Variants in SYNE3 observed in about 807,000 individuals in gnomAD.
The protein encoded by SYNE3 is nesprin-3.
SYNE3 carries 100 observed loss-of-function variants against 111.2 expected under a neutral mutation model. The observed-to-expected ratio is 0.90, with a 90% CI of 0.77 to 1.06. SYNE3 has a LOEUF of 1.06. Among genes scored for constraint, SYNE3 ranks in the 50% least tolerant of loss-of-function variants. The probability of loss-of-function intolerance (pLI) is 0.00; values close to 1 mark genes in which losing one functional copy is unlikely to be tolerated. For synonymous variants in SYNE3, 547 were observed against 533.9 expected (o/e 1.02, Z -0.34); for missense variants, 1,160 against 1,240.3 (o/e 0.94, Z 0.97).
chr14:95,500,284 G>A lies in SYNE3; in HGVS notation c.-15+16312C>T, dbSNP rs140896520. Among the ~76,000 whole-genome samples, 1,229 of 152,340 alleles carry A rather than the reference G, an allele frequency of 8.1e-3. 5 individuals carry two copies. The highest frequency in any genetic ancestry group is 0.041 in the Middle Eastern group (12 of 294). Reference sequence around the variant, plus strand: ...TACAGGTTATAATTAGTACCTGCTTGTTCCTGCCAGAACTTTGAGACGCCA... The same window carrying A: ...TACAGGTTATAATTAGTACCTGCTTATTCCTGCCAGAACTTTGAGACGCCA... On this transcript the variant is annotated intron_variant, in intron 1 of 17. Transcript: ENST00000682763. The surrounding 1 kb of genome is among the most constrained non-coding windows in gnomAD (Gnocchi z 4.7).
At chr14:95,506,829 C>T (rs897859775) in intron 1 of SYNE3, among the ~76,000 whole-genome samples, 1 of 152,116 alleles carries the variant, frequency 6.6e-6, no homozygotes, top group Non-Finnish European at 1.5e-5. Context: ...GATACCCAGG[C>T]CCATGGAGGT....
At chr14:95,468,365 TTCAGTGTGCAGCGTGAGCATCTACCTC>T (rs1888324609) in intron 2 of SYNE3, among the ~76,000 whole-genome samples, 1 of 152,218 alleles carries the variant, frequency 6.6e-6, no homozygotes, top group African/African-American at 2.4e-5. Context: ...AGGTACATGT[TTCAGTGTGCAGCGTGAGCATCTACCTC>T]TCAGGGGGAC....
chr14:95,410,021 T>C lies in SYNE3; in HGVS notation c.*7805A>G, dbSNP rs1389432106. 6.5e-6 allele frequency: 1 copy of C among 154,478 alleles called. No homozygotes were observed. Among genetic ancestry groups the C allele is most frequent in the African/African-American group, 2.4e-5 (1 of 41,464 alleles). 9.6% of individuals were successfully genotyped at this position (154,478 alleles called of 1,614,324 possible). A position where few individuals can be genotyped will look rare whatever the true frequency, so the allele number is the denominator to read the frequency against. The stretch of plus-strand genomic sequence containing the variant: ...GGGCTGAATCCAAACACAAAGAAAG[T>C]GTTCAAAAGCTTAGCCCTGGGTGCT... On this transcript the variant is annotated 3_prime_UTR_variant, in exon 18 of 18. Coordinates refer to ENST00000682763, the MANE Select transcript of SYNE3 (RefSeq NM_152592.6).
chr14:95,511,737 T>A (rs939712942), intron 1 of SYNE3, among the ~76,000 whole-genome samples: 1 of 151,628 alleles, frequency 6.6e-6, no homozygotes, highest in Non-Finnish European at 1.5e-5. Context: ...AATAAATAAA[T>A]TAAATAAAAT....
intron 1 of SYNE3, among the ~76,000 whole-genome samples, chr14:95,480,471 A>G (rs1418340290): frequency 1.3e-5 from 2 of 152,202 alleles, no homozygotes; most frequent in African/African-American, 4.8e-5. Context: ...TGCTCAGAAC[A>G]CAGAACCTGG....
chr14:95,481,767 G>A (rs970670394), intron 1 of SYNE3, among the ~76,000 whole-genome samples: 2 of 152,236 alleles, frequency 1.3e-5, no homozygotes, highest in African/African-American at 2.4e-5. Context: ...AACTGTGAAT[G>A]TCCATCTGGA....
At chr14:95,452,437 T>C (rs535637708) in intron 6 of SYNE3, 54 bp from the exon 7 acceptor site, 2 of 1,533,632 alleles carry the variant, frequency 1.3e-6, no homozygotes, top group East Asian at 2.3e-5. Context: ...ACAGGATAAG[T>C]GTGTGTGTGC....
chr14:95,474,464 G>C (rs1005112358), intron 2 of SYNE3, among the ~76,000 whole-genome samples: 2 of 152,202 alleles, frequency 1.3e-5, no homozygotes, highest in South Asian at 2.1e-4. Flanking sequence ...CAGAAAGCAG[G>C]GGGTATTCCA....
rs191569063 is a variant in SYNE3, at chr14:95,447,294, C to T, written c.1450-1203G>A. On this transcript the variant is annotated intron_variant, in intron 8 of 17. Transcript: ENST00000682763. ...GACTACAGGCGCCCACCACCACACCCGGCTAATTTTTTTGTATTTTTTTAG... is the reference window on the plus strand; with the variant it reads ...GACTACAGGCGCCCACCACCACACCTGGCTAATTTTTTTGTATTTTTTTAG... Among the ~76,000 whole-genome samples the T allele has an allele frequency of 7.1e-4, 108 of 152,100 alleles. No individual in the cohort carries two copies. In the East Asian group the frequency reaches 0.018, roughly 25 times the overall value.
At chr14:95,504,643 C>T (rs374267766) in intron 1 of SYNE3, among the ~76,000 whole-genome samples, 7 of 152,150 alleles carry the variant, frequency 4.6e-5, no homozygotes, top group Non-Finnish European at 7.3e-5. Context: ...GGACTGGGTC[C>T]CACCTTCCCA....
chr14:95,474,394 C>A (rs1383443247), intron 2 of SYNE3, among the ~76,000 whole-genome samples: 1 of 152,180 alleles, frequency 6.6e-6, no homozygotes, highest in Non-Finnish European at 1.5e-5. Context: ...AGGCTGGGAA[C>A]CCTCAAGAGC....
intron 17 of SYNE3, among the ~76,000 whole-genome samples, chr14:95,423,487 G>A (rs576763597): frequency 1.1e-4 from 16 of 151,588 alleles, no homozygotes; most frequent in African/African-American, 2.7e-4. Context: ...ATAGGGGCAC[G>A]GGGATTTGAT....
rs938752376 is a variant in SYNE3, at chr14:95,485,563, C to G, written c.-14-9728G>C. Among the ~76,000 whole-genome samples the G allele has an allele frequency of 6.6e-6, 1 of 152,118 alleles. No homozygotes were observed. Among genetic ancestry groups the G allele is most frequent in the Non-Finnish European group, 1.5e-5 (1 of 67,996 alleles). On this transcript the variant is annotated intron_variant, in intron 1 of 17. Transcript: ENST00000682763. The surrounding 1 kb of genome is among the most constrained non-coding windows in gnomAD (Gnocchi z 4.3). ...CCCACCTTCTGATGGCCACCCCTGC[C>G]CCACAGCCCCTAGACCTCCCAGGAA...
chr14:95,445,536 G>A (rs1595198381), intron 9 of SYNE3, among the ~76,000 whole-genome samples: 1 of 152,222 alleles, frequency 6.6e-6, no homozygotes, highest in South Asian at 2.1e-4. Flanking sequence ...TTTGAAATGT[G>A]TCACTAATAT....
chr14:95,470,677 G>C lies in SYNE3; in HGVS notation c.145-2710C>G, dbSNP rs1239453110. 4.1e-5 allele frequency among the ~76,000 whole-genome samples: 6 copies of C among 145,178 alleles called. No homozygotes were observed. Among genetic ancestry groups the C allele is most frequent in the Non-Finnish European group, 7.5e-5 (5 of 66,416 alleles). ...AAAAAACTAAAAATAAGAAAAAAAA[G>C]AGCCGGATGTGGTGGCTCACGCCTG... On this transcript the variant is annotated intron_variant, in intron 2 of 17. Coordinates refer to ENST00000682763, the MANE Select transcript of SYNE3 (RefSeq NM_152592.6). This position sits in a 1 kb window ranked among gnomAD's most constrained non-coding sequence, Gnocchi z 4.2.
At chr14:95,431,157 C>A (rs889333735) in intron 17 of SYNE3, among the ~76,000 whole-genome samples, 3 of 152,210 alleles carry the variant, frequency 2.0e-5, no homozygotes, top group African/African-American at 7.2e-5. Flanking sequence ...AGCATTCATT[C>A]CCTTGGAAAC....
chr14:95,439,906 C>T lies in SYNE3; in HGVS notation c.2073+8G>A, dbSNP rs375435096. The T allele has an allele frequency of 6.5e-5, 105 of 1,609,238 alleles. No homozygotes were observed. The highest frequency in any genetic ancestry group is 7.1e-5 in the Non-Finnish European group (84 of 1,177,408). The stretch of plus-strand genomic sequence containing the variant: ...TTTGGGAAGTGGGTGAGGGAACCAC[C>T]GCCTTACCTCAAACTCGGCCTCTTG... On this transcript the variant is annotated splice_region_variant and intron_variant, in intron 12 of 17. Transcript: ENST00000682763.
Position 95,457,352 on chromosome 14 carries a change from A to G in SYNE3, c.628-14T>C. 1.9e-6 allele frequency: 3 copies of G among 1,611,698 alleles called. No homozygotes were observed. The highest frequency in any genetic ancestry group is 2.5e-6 in the Non-Finnish European group (3 of 1,178,664). ...ATCTACACGCTTCTGTGGGAGGAGGAGAATCACCAGCCATGAGGGTCCCCA... is the reference window on the plus strand; with the variant it reads ...ATCTACACGCTTCTGTGGGAGGAGGGGAATCACCAGCCATGAGGGTCCCCA... On this transcript the variant is annotated splice_polypyrimidine_tract_variant and intron_variant, in intron 4 of 17. Transcript: ENST00000682763.
At position 95,512,400 on chromosome 14, in the gene SYNE3, C is replaced by T. The variant is rs748746463; in HGVS notation, c.-15+4196G>A. On this transcript the variant is annotated intron_variant, in intron 1 of 17. Transcript: ENST00000682763. ...GAAGCATAAAAATATTTAAAAATAACGCCCTTAGCCAGGCATGGTGGCACA... is the reference window on the plus strand; with the variant it reads ...GAAGCATAAAAATATTTAAAAATAATGCCCTTAGCCAGGCATGGTGGCACA... 6.6e-4 allele frequency among the ~76,000 whole-genome samples: 100 copies of T among 152,030 alleles called. 1 individual carries two copies. The highest frequency in any genetic ancestry group is 1.8e-4 in the Non-Finnish European group (12 of 68,006).
Sources: allele counts gnomAD v4.1 joint callset (sites outside exome capture counted in the v4.1 genomes callset), GRCh38; gene constraint gnomAD v4.1.1; non-coding constraint Gnocchi (gnomAD v3.1); transcripts MANE v1.5; gene names NCBI Gene and HGNC (gene_info 2026-07-23, HGNC 2026-07-21).